Variants in MAD2L1 observed in about 807,000 individuals in gnomAD.
The protein encoded by MAD2L1 is mitotic arrest deficient 2 like 1.
In MAD2L1, 10 loss-of-function variants were observed where a neutral mutation model predicts 25.9. That is an observed-to-expected ratio of 0.39 (90% confidence interval 0.24 to 0.66). The LOEUF is 0.66. Ranked by LOEUF, MAD2L1 falls within the 30% of genes least tolerant of loss-of-function variation. The pLI is 0.49. For synonymous variants in MAD2L1, 81 were observed against 91.8 expected, an observed-to-expected ratio of 0.88 and a Z score of 0.67; for missense variants, 180 against 246.4, an observed-to-expected ratio of 0.73 and a Z score of 1.80.
intron 2 of MAD2L1, among the ~76,000 whole-genome samples, chr4:120,064,152 G>C (rs555412143): frequency 6.6e-6 from 1 of 152,322 alleles, no homozygotes; most frequent in South Asian, 2.1e-4. Context: ...CTTAGGCAAT[G>C]CTTGCTTCTC....
In MAD2L1 at chr4:120,055,695, A is replaced by G. The variant is rs189498162; in HGVS notation, c.*4423T>C. The G allele has an allele frequency of 2.7e-3, 406 of 152,314 alleles. 2 individuals are homozygous for G. Among genetic ancestry groups the G allele is most frequent in the African/African-American group, 9.0e-3 (373 of 41,554 alleles). The allele number at this position is 152,314 out of a possible 1,614,324, so 9.4% of individuals were successfully genotyped here. A position where few individuals can be genotyped will look rare whatever the true frequency, so the allele number is the denominator to read the frequency against. ...AATATTTCATACATTTAAAAAAAGAATAAGAAATTATTTACAAGTTAAGCC... is the reference window on the plus strand; with the variant it reads ...AATATTTCATACATTTAAAAAAAGAGTAAGAAATTATTTACAAGTTAAGCC... On this transcript the variant is annotated 3_prime_UTR_variant, in exon 5 of 5. Transcript: ENST00000296509.
chr4:120,065,520 G>A, intron 2 of MAD2L1, 152 bp downstream of exon 2: 1 of 621,550 alleles, frequency 1.6e-6, no homozygotes, highest in East Asian at 2.9e-5. Context: ...TGGGGGAAGA[G>A]TGTATTTCTT....
At chr4:120,066,607 A>C in intron 1 of MAD2L1, 55 bp downstream of exon 1, 2 of 1,500,420 alleles carry the variant, frequency 1.3e-6, no homozygotes, top group Middle Eastern at 1.7e-4. Flanking sequence ...CTGTGGGCCT[A>C]CTGAGCCGTC....
Position 120,060,014 on chromosome 4 carries a change from T to C in MAD2L1, c.*104A>G, listed in dbSNP as rs1470317124. On this transcript the variant is annotated 3_prime_UTR_variant, in exon 5 of 5. Coordinates refer to ENST00000296509, the MANE Select transcript of MAD2L1 (RefSeq NM_002358.4). ...GTAAGTATCATTTTGGTTTTCTCCA[T>C]GTAAAAATTAACCAATGAAATAAAA... 4 of 1,046,622 alleles carry C rather than the reference T, an allele frequency of 3.8e-6. No homozygotes were observed. Among genetic ancestry groups the C allele is most frequent in the Non-Finnish European group, 5.5e-6 (4 of 724,598 alleles). 64.8% of individuals were successfully genotyped at this position (1,046,622 alleles called of 1,614,324 possible).
Position 120,060,278 on chromosome 4 carries a change from A to G in MAD2L1, c.458T>C (p.Leu153Pro). 1.9e-6 allele frequency: 3 copies of G among 1,607,148 alleles called. No individual in the cohort carries two copies. The highest frequency in any genetic ancestry group is 2.6e-6 in the Non-Finnish European group (3 of 1,175,462). The change falls in exon 5 of 5, where the codon CTG becomes CCG. Residue 153 changes from leucine (L) to proline (P), a missense_variant. Leu to Pro is a moderately conservative substitution (Grantham distance 98, BLOSUM62 -3). Coordinates refer to ENST00000296509, the MANE Select transcript of MAD2L1 (RefSeq NM_002358.4). ...CAAATCTTTGTCTGTATAAATCAGC[A>G]GATCAAATGAACCTAAATTGGGGAT... Reference protein sequence around the residue: ...PLLEVSCSFDLLIYTDKDLVV... With the variant: ...PLLEVSCSFDPLIYTDKDLVV...
chr4:120,063,772 G>A (rs1429484145), intron 2 of MAD2L1, among the ~76,000 whole-genome samples: 1 of 152,184 alleles, frequency 6.6e-6, no homozygotes, highest in Non-Finnish European at 1.5e-5. Flanking sequence ...AGCACTTTGG[G>A]AGGCAGAGGT....
In MAD2L1 at chr4:120,062,076, T is replaced by C; in HGVS notation, c.240A>G (p.Ser80=). ...EQLKDWLYKC[S]VQKLVVVISN... is the part of the protein sequence containing the mutation. ...AGATAACTACAACCAGTTTCTGAAC[T>C]GAACACTTGTATAACCAATCTGCAA... The change falls in exon 3 of 5, where the codon TCA becomes TCG. Residue 80 remains serine (S), a synonymous_variant. Transcript: ENST00000296509. 1 of 1,611,526 alleles carries C rather than the reference T, an allele frequency of 6.2e-7. No homozygotes were observed. Among genetic ancestry groups the C allele is most frequent in the South Asian group, 1.1e-5 (1 of 90,534 alleles).
rs1214959745 is a variant in MAD2L1, at chr4:120,058,665, T to G, written c.*1453A>C. 1.4e-5 allele frequency: 2 copies of G among 142,322 alleles called. No individual in the cohort carries two copies. Among genetic ancestry groups the G allele is most frequent in the Non-Finnish European group, 3.1e-5 (2 of 63,722 alleles). 8.8% of individuals were successfully genotyped at this position (142,322 alleles called of 1,614,324 possible). Reference sequence around the variant, plus strand: ...GTGATTTCGCAGAATTTAGTCTGACTTCTCAAATAGTTAAAATACAAATGA... The same window carrying G: ...GTGATTTCGCAGAATTTAGTCTGACGTCTCAAATAGTTAAAATACAAATGA... On this transcript the variant is annotated 3_prime_UTR_variant, in exon 5 of 5. Transcript: ENST00000296509.
Position 120,066,702 on chromosome 4 carries a change from G to C in MAD2L1, c.33C>G (p.Ile11Met), listed in dbSNP as rs2110510239. Residue 11 changes from isoleucine (I) to methionine (M), a missense_variant, in exon 1 of 5, where the codon ATC becomes ATG. Transcript: ENST00000296509. MALQLSREQG[I>M]TLRGSAEIVA... The stretch of plus-strand genomic sequence containing the variant: ...CGATTTCGGCGCTCCCGCGCAGGGT[G>C]ATTCCCTGCTCCCGGGAGAGCTGCA... 6.2e-7 allele frequency: 1 copy of C among 1,604,554 alleles called. No individual in the cohort carries two copies. The highest frequency in any genetic ancestry group is 8.5e-7 in the Non-Finnish European group (1 of 1,173,440).
intron 2 of MAD2L1, among the ~76,000 whole-genome samples, chr4:120,064,545 A>G (rs79460558): frequency 0.028 from 4,231 of 152,294 alleles, 85 homozygotes; most frequent in African/African-American, 0.053. Flanking sequence ...TAAACATTCT[A>G]TAACACACAG....
In MAD2L1 at chr4:120,056,976, T is replaced by G. The variant is rs983251764; in HGVS notation, c.*3142A>C. On this transcript the variant is annotated 3_prime_UTR_variant, in exon 5 of 5. Transcript: ENST00000296509. ...TGTTTTACAAGTGAGCTTTAAATAT[T>G]ACGGTATCAAATGCTCTGAACTAGG... The G allele has an allele frequency of 6.6e-6, 1 of 152,232 alleles. No individual in the cohort carries two copies. The highest frequency in any genetic ancestry group is 6.5e-5 in the Admixed American group (1 of 15,288). The allele number at this position is 152,232 out of a possible 1,614,324, so 9.4% of individuals were successfully genotyped here. A position where few individuals can be genotyped will look rare whatever the true frequency, so the allele number is the denominator to read the frequency against.
intron 4 of MAD2L1, 131 bp downstream of exon 4, chr4:120,060,740 GATA>G (rs1726198980): frequency 3.4e-6 from 2 of 595,096 alleles, no homozygotes; most frequent in Non-Finnish European, 6.0e-6. Flanking sequence ...ACTTTTGCAT[GATA>G]ATGTTTTTCC....
chr4:120,064,446 C>G (rs996543793), intron 2 of MAD2L1, among the ~76,000 whole-genome samples: 2 of 152,182 alleles, frequency 1.3e-5, no homozygotes, highest in African/African-American at 4.8e-5. Flanking sequence ...TAGGGCACAT[C>G]TGGCAATATA....
rs1330791838 is a variant in MAD2L1, at chr4:120,057,846, C to A, written c.*2272G>T. ...TCATAGTTTGGCTCCCACTCAGCTCCAAAATGTGTATTTCTTTTTTATTTA... is the reference window on the plus strand; with the variant it reads ...TCATAGTTTGGCTCCCACTCAGCTCAAAAATGTGTATTTCTTTTTTATTTA... On this transcript the variant is annotated 3_prime_UTR_variant, in exon 5 of 5. Coordinates refer to ENST00000296509, the MANE Select transcript of MAD2L1 (RefSeq NM_002358.4). The A allele has an allele frequency of 2.6e-4, 40 of 152,158 alleles. No individual in the cohort carries two copies. The highest frequency in any genetic ancestry group is 2.6e-3 in the Admixed American group (40 of 15,266). 9.4% of individuals were successfully genotyped at this position (152,158 alleles called of 1,614,324 possible).
intron 2 of MAD2L1, among the ~76,000 whole-genome samples, chr4:120,065,279 T>C (rs905020676): frequency 2.0e-5 from 3 of 152,208 alleles, no homozygotes; most frequent in Non-Finnish European, 4.4e-5. Flanking sequence ...AATGATAACA[T>C]TAGACTACAG....
Position 120,060,042 on chromosome 4 carries a change from T to C in MAD2L1, c.*76A>G. Reference sequence around the variant, plus strand: ...AAAAATTAACCAATGAAATAAAACATATCAACTATAGATGACTTGATTTCA... The same window carrying C: ...AAAAATTAACCAATGAAATAAAACACATCAACTATAGATGACTTGATTTCA... On this transcript the variant is annotated 3_prime_UTR_variant, in exon 5 of 5. Transcript: ENST00000296509. 8.0e-7 allele frequency: 1 copy of C among 1,250,784 alleles called. No individual in the cohort carries two copies. The highest frequency in any genetic ancestry group is 2.1e-5 in the Admixed American group (1 of 46,938). 77.5% of individuals were successfully genotyped at this position (1,250,784 alleles called of 1,614,324 possible). A position where few individuals can be genotyped will look rare whatever the true frequency, so the allele number is the denominator to read the frequency against.
At position 120,057,618 on chromosome 4, in the gene MAD2L1, G is replaced by C. The variant is rs1256952963; in HGVS notation, c.*2500C>G. 1 of 152,330 alleles carries C rather than the reference G, an allele frequency of 6.6e-6. No homozygotes were observed. The highest frequency in any genetic ancestry group is 2.4e-5 in the African/African-American group (1 of 41,458). 9.4% of individuals were successfully genotyped at this position (152,330 alleles called of 1,614,324 possible). On this transcript the variant is annotated 3_prime_UTR_variant, in exon 5 of 5. Transcript: ENST00000296509. ...ACATATGGTAAGCAACACTGAGCCAGAGTCCAGGCCAGGCCTAGAGGCCTA... is the reference window on the plus strand; with the variant it reads ...ACATATGGTAAGCAACACTGAGCCACAGTCCAGGCCAGGCCTAGAGGCCTA...
At chr4:120,064,135 C>T (rs1726273462) in intron 2 of MAD2L1, among the ~76,000 whole-genome samples, 1 of 152,192 alleles carries the variant, frequency 6.6e-6, no homozygotes, top group South Asian at 2.1e-4. Flanking sequence ...AACCTAAAAA[C>T]CATTGGCTTA....
intron 1 of MAD2L1, 28 bp from the exon 2 acceptor site, chr4:120,065,846 A>G: frequency 6.2e-7 from 1 of 1,610,480 alleles, no homozygotes; most frequent in Non-Finnish European, 8.5e-7. Flanking sequence ...GTTACAGAAA[A>G]TTCATTATCC....
Sources: allele counts gnomAD v4.1 joint callset (sites outside exome capture counted in the v4.1 genomes callset), GRCh38; gene constraint gnomAD v4.1.1; transcripts MANE v1.5; gene names NCBI Gene and HGNC (gene_info 2026-07-23, HGNC 2026-07-21).